The following TUSC3 variants were observed in gnomAD, a reference collection of about 807,000 sequenced individuals.
TUSC3 encodes dolichyl-diphosphooligosaccharide--protein glycosyltransferase subunit TUSC3.
TUSC3 carries 45 observed loss-of-function variants against 44.8 expected under a neutral mutation model. The observed-to-expected ratio is 1.00, with a 90% confidence interval of 0.79 to 1.29. The LOEUF (loss-of-function observed/expected upper bound fraction) is 1.29. Among genes scored for constraint, TUSC3 ranks in the 50% most tolerant of loss-of-function variants. The pLI, the probability that TUSC3 is intolerant of heterozygous loss-of-function variation, is 0.00. For synonymous variants in TUSC3, 212 were observed against 152.9 expected (o/e 1.39, Z -2.85); for missense variants, 519 against 437.9 (o/e 1.19, Z -1.65).
intron 2 of TUSC3, among the ~76,000 whole-genome samples, chr8:15,623,825 T>G (rs1037970616): frequency 6.6e-6 from 1 of 152,162 alleles, no homozygotes; most frequent in East Asian, 1.9e-4. Context: ...TTACCCAGTT[T>G]CCTCCAGTGG....
intron 1 of TUSC3, among the ~76,000 whole-genome samples, chr8:15,569,815 A>T (rs903470132): frequency 6.6e-6 from 1 of 152,116 alleles, no homozygotes; most frequent in African/African-American, 2.4e-5. Flanking sequence ...ATACCGTGTC[A>T]CACTCTTGTG....
intron 1 of TUSC3, among the ~76,000 whole-genome samples, chr8:15,470,822 A>T (rs1360562156): frequency 1.3e-5 from 2 of 152,106 alleles, no homozygotes. Context: ...CTGTGTCTAC[A>T]TGGTCCCAGT....
At chr8:15,537,162 T>C (rs1214907339), upstream of TUSC3, among the ~76,000 whole-genome samples, 5 of 144,274 alleles carry the variant, frequency 3.5e-5, no homozygotes, top group African/African-American at 1.3e-4. Context: ...GAAGTCTGTC[T>C]GAGAGATTGC....
chr8:15,632,532 A>G (rs1805818479), intron 2 of TUSC3, among the ~76,000 whole-genome samples: 1 of 152,178 alleles, frequency 6.6e-6, no homozygotes, highest in African/African-American at 2.4e-5. Flanking sequence ...TTGGGGAGAT[A>G]AGTGGCTTGG....
chr8:15,830,621 A>T, the TUSC3 span, among the ~76,000 whole-genome samples: 3 of 152,182 alleles, frequency 2.0e-5, no homozygotes, highest in Non-Finnish European at 4.4e-5. Flanking sequence ...ACACAGGTAG[A>T]GGTGGAGGCC....
At chr8:15,715,479 C>G (rs941691153) in intron 6 of TUSC3, among the ~76,000 whole-genome samples, 3 of 151,998 alleles carry the variant, frequency 2.0e-5, no homozygotes, top group African/African-American at 7.3e-5. Flanking sequence ...TGGATATGCT[C>G]TACGAAGGCA....
At chr8:15,427,917 G>A (rs547090672) in intron 1 of TUSC3, among the ~76,000 whole-genome samples, 1 of 151,838 alleles carries the variant, frequency 6.6e-6, no homozygotes, top group Admixed American at 6.6e-5. Flanking sequence ...ATTGTGAGTT[G>A]ATTTTTGCAT....
At chr8:15,614,215 C>T (rs1804889052) in intron 1 of TUSC3, among the ~76,000 whole-genome samples, 1 of 151,780 alleles carries the variant, frequency 6.6e-6, no homozygotes, top group African/African-American at 2.4e-5. Flanking sequence ...TTTTTAATCA[C>T]CTCATGGAAA....
chr8:15,428,520 T>A (rs1799833721), intron 1 of TUSC3, among the ~76,000 whole-genome samples: 2 of 152,124 alleles, frequency 1.3e-5, no homozygotes, highest in South Asian at 4.2e-4. Context: ...GTATTTCTAG[T>A]TCTAGATCCC....
At chr8:15,833,466 C>A in the TUSC3 span, among the ~76,000 whole-genome samples, 46 of 152,196 alleles carry the variant, frequency 3.0e-4, no homozygotes, top group Admixed American at 9.2e-4. Context: ...CCTAAATGCC[C>A]AGCAACGGTA....
the TUSC3 span, chr8:15,807,362 A>G: frequency 2.8e-6 from 1 of 358,804 alleles, no homozygotes; most frequent in South Asian, 3.0e-5. Flanking sequence ...CACAACAACA[A>G]CAACAAAACA....
chr8:15,540,860 A>G (rs902982558), intron 1 of TUSC3, among the ~76,000 whole-genome samples: 17 of 152,216 alleles, frequency 1.1e-4, no homozygotes, highest in African/African-American at 3.9e-4. Flanking sequence ...GCTTAGAGCA[A>G]TGGTGCCACT....
intron 5 of TUSC3, among the ~76,000 whole-genome samples, chr8:15,664,053 G>C (rs566547309): frequency 6.6e-6 from 1 of 151,870 alleles, no homozygotes; most frequent in Admixed American, 6.6e-5. Flanking sequence ...TGCATTGTAA[G>C]CTAGTAATAG....
Position 15,485,417 on chromosome 8 carries a change from A to G in TUSC3, n.189+1934A>G, listed in dbSNP as rs540508673. Among the ~76,000 whole-genome samples, 8 of 151,016 alleles carry G rather than the reference A, an allele frequency of 5.3e-5. No individual in the cohort carries two copies. In the East Asian group the frequency reaches 9.7e-4, roughly 18 times the overall value. On this transcript the variant is annotated intron_variant and non_coding_transcript_variant, in intron 2 of 5. Transcript: ENST00000503191. ...AAATATGACATGGGTTTTGTAAAAT[A>G]TAACATGGGTTTATCACAGGGAAGC...
chr8:15,498,431 G>A (rs932520073), intron 2 of TUSC3, among the ~76,000 whole-genome samples: 3 of 152,174 alleles, frequency 2.0e-5, no homozygotes, highest in Non-Finnish European at 4.4e-5. Flanking sequence ...TACTGTAGGA[G>A]AACCGGAGCA....
the TUSC3 span, among the ~76,000 whole-genome samples, chr8:15,797,090 C>G: frequency 6.6e-6 from 1 of 152,182 alleles, no homozygotes; most frequent in Non-Finnish European, 1.5e-5. Flanking sequence ...ATGGGCACCT[C>G]CGAATGGAGG....
At chr8:15,711,127 T>C (rs897592838) in intron 6 of TUSC3, among the ~76,000 whole-genome samples, 3 of 151,714 alleles carry the variant, frequency 2.0e-5, no homozygotes, top group Non-Finnish European at 4.4e-5. Flanking sequence ...CTTTCCCTTT[T>C]TTTTCTTGTC....
the TUSC3 span, among the ~76,000 whole-genome samples, chr8:15,805,648 C>A: frequency 6.6e-6 from 1 of 152,092 alleles, no homozygotes; most frequent in African/African-American, 2.4e-5. Flanking sequence ...ATATGTTGAA[C>A]CAATTTTGCA....
intron 2 of TUSC3, among the ~76,000 whole-genome samples, chr8:15,625,070 A>T (rs1278490543): frequency 6.6e-6 from 1 of 152,072 alleles, no homozygotes; most frequent in East Asian, 1.9e-4. Context: ...ATCATGAATG[A>T]GGTGCTGCAT....
Sources: gnomAD v4.1 joint callset for allele counts (sites outside exome capture counted in the v4.1 genomes callset) on GRCh38, gnomAD v4.1.1 for gene constraint, MANE v1.5 for transcripts, NCBI Gene and HGNC (gene_info 2026-07-23, HGNC 2026-07-21) for gene names.